Variants in PPA2 observed in about 807,000 individuals in gnomAD.
The protein encoded by PPA2 is inorganic pyrophosphatase 2, mitochondrial.
In PPA2, 48 loss-of-function variants were observed where a neutral mutation model predicts 49.5. The observed-to-expected ratio is 0.97, with a 90% CI of 0.77 to 1.23. PPA2 has a LOEUF of 1.23. Among genes scored for constraint, PPA2 ranks in the 50% most tolerant of loss-of-function variants. The pLI is 0.00. For missense variants in PPA2, 429 were observed against 410.1 expected (o/e 1.05, Z -0.40); for synonymous variants, 131 against 139.9 (o/e 0.94, Z 0.45).
chr4:105,424,277 A>G lies in PPA2; in HGVS notation c.574T>C (p.Leu192=). The G allele has an allele frequency of 6.2e-7, 1 of 1,605,530 alleles. No individual in the cohort carries two copies. Among genetic ancestry groups the G allele is most frequent in the Non-Finnish European group, 8.5e-7 (1 of 1,177,412 alleles). The change falls in exon 7 of 12, where the codon TTG becomes CTG. Residue 192 remains leucine, a synonymous_variant. Coordinates refer to ENST00000341695, the MANE Select transcript of PPA2 (RefSeq NM_176869.3). ...GTTTCACCTTCATCAATAAGAGCCA[A>G]AATTCCAAGGATCTTCACATGAATA... is the stretch of plus-strand genomic sequence containing the variant. ...EVIHVKILGI[L]ALIDEGETDW...
chr4:105,386,219 A>T (rs1309499889), intron 10 of PPA2, among the ~76,000 whole-genome samples: 2 of 152,164 alleles, frequency 1.3e-5, no homozygotes, highest in Admixed American at 6.6e-5. Flanking sequence ...GCCAATAGCC[A>T]GTTCCAATGT....
intron 2 of PPA2, among the ~76,000 whole-genome samples, chr4:105,455,244 G>A (rs1360762884): frequency 6.6e-6 from 1 of 152,184 alleles, no homozygotes; most frequent in Admixed American, 6.5e-5. Context: ...AAAGAAAAGT[G>A]TTGGGAGACA....
At chr4:105,370,762 T>C in intron 11 of PPA2, 75 bp downstream of exon 11, 2 of 1,288,364 alleles carry the variant, frequency 1.6e-6, no homozygotes, top group Non-Finnish European at 1.0e-6. Context: ...ATTTTTAGTT[T>C]TAGTTTTTGG....
chr4:105,377,017 G>T (rs1351772118), intron 10 of PPA2, among the ~76,000 whole-genome samples: 1 of 152,072 alleles, frequency 6.6e-6, no homozygotes, highest in Non-Finnish European at 1.5e-5. Flanking sequence ...GAGAATTTTG[G>T]GGAAAAGAAT....
At chr4:105,426,927 C>G (rs781177289) in intron 6 of PPA2, among the ~76,000 whole-genome samples, 8 of 152,212 alleles carry the variant, frequency 5.3e-5, no homozygotes, top group South Asian at 2.1e-4. Flanking sequence ...TCCCATGTAG[C>G]CTGACTGCGA....
chr4:105,428,512 A>G (rs1196459261), intron 6 of PPA2, among the ~76,000 whole-genome samples: 1 of 132,520 alleles, frequency 7.5e-6, no homozygotes, highest in Non-Finnish European at 1.6e-5. Context: ...AAGATCTACC[A>G]AGCAAATGGA....
chr4:105,385,369 TCTTAC>T (rs1445624799), intron 10 of PPA2, among the ~76,000 whole-genome samples: 10 of 151,364 alleles, frequency 6.6e-5, no homozygotes, highest in African/African-American at 1.9e-4. Context: ...AGAACCTATA[TCTTAC>T]CACATAACAT....
At chr4:105,405,383 T>C (rs551376366) in intron 7 of PPA2, 63 of 778,270 alleles carry the variant, frequency 8.1e-5, no homozygotes, top group Non-Finnish European at 9.5e-5. Flanking sequence ...TAATTTCTTA[T>C]TTAACAACAG....
intron 1 of PPA2, among the ~76,000 whole-genome samples, chr4:105,467,469 C>T (rs1203869117): frequency 6.6e-6 from 1 of 152,210 alleles, no homozygotes; most frequent in Non-Finnish European, 1.5e-5. Context: ...CCAGTAGGAC[C>T]TTACATGCTA....
At chr4:105,373,360 A>G (rs879329841) in intron 10 of PPA2, among the ~76,000 whole-genome samples, 2 of 152,118 alleles carry the variant, frequency 1.3e-5, no homozygotes, top group Admixed American at 1.3e-4. Flanking sequence ...AGACCATAAA[A>G]CGGGTTAACC....
At chr4:105,386,397 A>G (rs1191129253) in intron 10 of PPA2, among the ~76,000 whole-genome samples, 170 bp downstream of exon 10, 1 of 152,240 alleles carries the variant, frequency 6.6e-6, no homozygotes, top group Non-Finnish European at 1.5e-5. Context: ...AGGTTTTAAA[A>G]TTCTTAATTT....
At chr4:105,451,140 T>C (rs1352420892) in intron 3 of PPA2, among the ~76,000 whole-genome samples, 3 of 152,196 alleles carry the variant, frequency 2.0e-5, no homozygotes, top group Non-Finnish European at 4.4e-5. Flanking sequence ...TAAATTGCTC[T>C]GGGTGGAGCC....
At chr4:105,467,504 TG>T (rs1223601652) in intron 1 of PPA2, among the ~76,000 whole-genome samples, 2 of 152,190 alleles carry the variant, frequency 1.3e-5, no homozygotes, top group African/African-American at 4.8e-5. Context: ...AAAAATTTTT[TG>T]AGTGAAATGG....
chr4:105,405,915 C>T (rs746747563), intron 7 of PPA2: 33 of 448,304 alleles, frequency 7.4e-5, no homozygotes, highest in Admixed American at 2.2e-4. Flanking sequence ...GATGACTATG[C>T]GATTTATTGT....
chr4:105,473,600 T>A, intron 1 of PPA2: 1 of 630,622 alleles, frequency 1.6e-6, no homozygotes, highest in Non-Finnish European at 3.0e-6. Flanking sequence ...GCACTCTGCC[T>A]ACCCCTCGGG....
intron 7 of PPA2, among the ~76,000 whole-genome samples, chr4:105,414,099 T>C (rs1382257755): frequency 6.6e-6 from 1 of 152,164 alleles, no homozygotes; most frequent in African/African-American, 2.4e-5. Flanking sequence ...AAGAAAGATG[T>C]TCCAACCCAG....
chr4:105,436,634 T>A (rs1328528848), intron 6 of PPA2, among the ~76,000 whole-genome samples: 1 of 151,870 alleles, frequency 6.6e-6, no homozygotes, highest in Non-Finnish European at 1.5e-5. Flanking sequence ...AACACATAGA[T>A]CAATGGAACA....
At chr4:105,462,467 A>G (rs191560530) in intron 1 of PPA2, among the ~76,000 whole-genome samples, 256 of 152,354 alleles carry the variant, frequency 1.7e-3, no homozygotes, top group Non-Finnish European at 2.4e-3. Flanking sequence ...CACTCCTGAG[A>G]GCAACCCATT....
chr4:105,369,719 T>C lies in PPA2; in HGVS notation c.*6A>G, dbSNP rs771764160. 6.3e-7 allele frequency: 1 copy of C among 1,585,340 alleles called. No homozygotes were observed. The highest frequency in any genetic ancestry group is 1.1e-5 in the South Asian group (1 of 90,474). On this transcript the variant is annotated 3_prime_UTR_variant, in exon 12 of 12. Coordinates refer to ENST00000341695, the MANE Select transcript of PPA2 (RefSeq NM_176869.3). ...AATCTTGACAGCAGAATTTCAGATG[T>C]TTCAATCACTTGCCAAGGAAGTGCC...
Sources: gnomAD v4.1 joint callset for allele counts (sites outside exome capture counted in the v4.1 genomes callset) on GRCh38, gnomAD v4.1.1 for gene constraint, MANE v1.5 for transcripts, NCBI Gene and HGNC (gene_info 2026-07-23, HGNC 2026-07-21) for gene names.